DNAH3: variants seen among roughly 807,000 people sequenced by gnomAD.
DNAH3 encodes the protein axonemal beta dynein heavy chain 3.
DNAH3 carries 332 observed loss-of-function variants against 432.5 expected under a neutral mutation model. The ratio of observed to expected loss-of-function variants is 0.77; its 90% CI spans 0.70 to 0.84. The LOEUF is 0.84. Ranked by LOEUF, DNAH3 falls within the 40% of genes least tolerant of loss-of-function variation. DNAH3 has a pLI of 0.00. For missense variants in DNAH3, 4,861 were observed against 5,114.0 expected (o/e 0.95, Z 1.51); for synonymous variants, 1,956 against 1,900.2 (o/e 1.03, Z -0.76).
Position 21,135,089 on chromosome 16 carries a change from T to C in DNAH3, c.887-635A>G, listed in dbSNP as rs541553532. On this transcript the variant is annotated intron_variant, in intron 6 of 61. Transcript: ENST00000261383. ...ACTGGTGAAGCTTCACTCTTGGTGT[T>C]TGTTTTCTTTCTGAGGGTATTTTAC... 3.9e-5 allele frequency among the ~76,000 whole-genome samples: 6 copies of C among 152,312 alleles called. No individual in the cohort carries two copies. In the South Asian group the frequency reaches 1.2e-3, roughly 32 times the overall value.
chr16:20,936,636 G>C lies in DNAH3; in HGVS notation c.11859+13C>G. ...GCATGCCAGGTTCCCGGTTACCCCT[G>C]ACTCCCAGGTACCTGGAAGAAGGTC... On this transcript the variant is annotated intron_variant, in intron 60 of 61. Transcript: ENST00000261383. The C allele has an allele frequency of 6.3e-7, 1 of 1,579,852 alleles. No individual in the cohort carries two copies. Among genetic ancestry groups the C allele is most frequent in the Non-Finnish European group, 8.6e-7 (1 of 1,161,692 alleles).
chr16:21,062,815 ACT>A (rs1276838941), intron 24 of DNAH3, 132 bp from the exon 25 acceptor site: 1 of 666,330 alleles, frequency 1.5e-6, no homozygotes, highest in African/African-American at 1.8e-5. Flanking sequence ...ACAAAGGCCC[ACT>A]CTCTTTTATC....
At chr16:20,964,187 T>G (rs2084947918) in exon 53 of DNAH3, 3 of 1,614,026 alleles carry the variant, frequency 1.9e-6, no homozygotes, top group Non-Finnish European at 2.5e-6. Context: ...TTGAGATGCT[T>G]CTTGTTCTTG....
At chr16:21,159,175 A>C in intron 1 of DNAH3, 1 of 827,096 alleles carries the variant, frequency 1.2e-6, no homozygotes, top group South Asian at 1.4e-5. Context: ...CCTCTTCTCC[A>C]CCGAGGTCCC....
chr16:21,030,377 G>C (rs1321978816), intron 37 of DNAH3, among the ~76,000 whole-genome samples: 1 of 152,188 alleles, frequency 6.6e-6, no homozygotes, highest in Non-Finnish European at 1.5e-5. Flanking sequence ...GAAGTGGCCT[G>C]GAAGAGGAGG....
At position 21,007,228 on chromosome 16, in the gene DNAH3, G is replaced by A. The variant is rs867342324; in HGVS notation, c.6023-4021C>T. Among the ~76,000 whole-genome samples the A allele has an allele frequency of 5.7e-3, 291 of 51,038 alleles. 1 individual carries two copies. Among genetic ancestry groups the A allele is most frequent in the African/African-American group, 0.02 (264 of 13,192 alleles). 33.5% of individuals were successfully genotyped at this position (51,038 alleles called of 152,430 possible). ...TTGTATATCCTTTTTTTTTTTTTTT[G>A]AGGCAGGGTCTCACTCTGTCACCCC... On this transcript the variant is annotated intron_variant, in intron 41 of 61. Transcript: ENST00000261383.
At chr16:21,060,999 G>A (rs556330283) in intron 25 of DNAH3, among the ~76,000 whole-genome samples, 12 of 151,572 alleles carry the variant, frequency 7.9e-5, no homozygotes, top group African/African-American at 2.7e-4. Flanking sequence ...CACCATGCCC[G>A]GCTAACTTTT....
intron 58 of DNAH3, 73 bp from the exon 59 acceptor site, chr16:20,941,616 T>C (rs2083813237): frequency 6.4e-7 from 1 of 1,550,766 alleles, no homozygotes; most frequent in African/African-American, 1.4e-5. Context: ...AAACTTTAAG[T>C]ACTGAGCATC....
intron 11 of DNAH3, among the ~76,000 whole-genome samples, chr16:21,119,654 TG>T (rs2092291725): frequency 6.6e-6 from 1 of 151,212 alleles, no homozygotes; most frequent in Admixed American, 6.6e-5. Flanking sequence ...TGGAGTGCAA[TG>T]GCGCAATCTA....
At chr16:21,033,566 AAAG>A (rs1462522105) in intron 36 of DNAH3, among the ~76,000 whole-genome samples, 1 of 152,180 alleles carries the variant, frequency 6.6e-6, no homozygotes, top group Non-Finnish European at 1.5e-5. Flanking sequence ...GGAAAGAAGA[AAAG>A]AAGGGAAGGA....
At chr16:21,106,646 C>T (rs1332588425) in exon 15 of DNAH3, 3 of 1,603,068 alleles carry the variant, frequency 1.9e-6, no homozygotes, top group South Asian at 2.2e-5. Context: ...CTGACTTTGT[C>T]TGCGATGTGG....
At chr16:21,112,872 AC>A (rs1207476837) in intron 12 of DNAH3, among the ~76,000 whole-genome samples, 1 of 152,140 alleles carries the variant, frequency 6.6e-6, no homozygotes, top group Non-Finnish European at 1.5e-5. Context: ...TGGATTTTGG[AC>A]TTGCATGGGC....
At chr16:20,952,529 A>G in exon 56 of DNAH3, 1 of 1,611,198 alleles carries the variant, frequency 6.2e-7, no homozygotes, top group Non-Finnish European at 8.5e-7. Flanking sequence ...GATTCGTTGA[A>G]TTCATAGGGA....
intron 40 of DNAH3, among the ~76,000 whole-genome samples, chr16:21,020,729 A>G (rs2088169585): frequency 6.6e-6 from 1 of 152,030 alleles, no homozygotes; most frequent in South Asian, 2.1e-4. Flanking sequence ...TTATTGTGGT[A>G]AAATACATGA....
intron 52 of DNAH3, among the ~76,000 whole-genome samples, chr16:20,967,681 T>C (rs1417410222): frequency 6.6e-6 from 1 of 151,294 alleles, no homozygotes; most frequent in African/African-American, 2.4e-5. Flanking sequence ...TTTTTTTTGG[T>C]ATTTTTAGTA....
At position 20,965,400 on chromosome 16, in the gene DNAH3, C is replaced by G. The variant is rs76115271; in HGVS notation, c.8484G>C (p.Gly2828=). 2.6e-6 allele frequency: 4 copies of G among 1,525,994 alleles called. No individual in the cohort carries two copies. The South Asian group carries it at 5.2e-5, about 20-fold the overall frequency. 94.5% of individuals were successfully genotyped at this position (1,525,994 alleles called of 1,614,324 possible). Residue 2828 remains glycine, a synonymous_variant, in exon 53 of 62, where the codon GGG becomes GGC. Coordinates refer to ENST00000261383, the Ensembl canonical transcript of DNAH3. ...GATCCCCAAGAATCTTTTTGGATACCCCCCAGTAATCTTCTATCATCTTAC... is the reference window on the plus strand; with the variant it reads ...GATCCCCAAGAATCTTTTTGGATACGCCCCAGTAATCTTCTATCATCTTAC...
chr16:21,151,075 G>A (rs2092848046), intron 1 of DNAH3, among the ~76,000 whole-genome samples: 1 of 152,180 alleles, frequency 6.6e-6, no homozygotes, highest in South Asian at 2.1e-4. Flanking sequence ...GAAAAGCACA[G>A]AGTATGGTGG....
At chr16:21,052,956 T>C (rs2090008222) in intron 28 of DNAH3, among the ~76,000 whole-genome samples, 1 of 152,150 alleles carries the variant, frequency 6.6e-6, no homozygotes, top group Non-Finnish European at 1.5e-5. Flanking sequence ...AGCTCTTCTT[T>C]TTTCTCTCAT....
chr16:20,992,834 A>G (rs2086613880), intron 44 of DNAH3, among the ~76,000 whole-genome samples: 1 of 152,086 alleles, frequency 6.6e-6, no homozygotes, highest in Non-Finnish European at 1.5e-5. Context: ...TAGGACTATA[A>G]AACTTTTGCC....
Sources: allele counts gnomAD v4.1 joint callset (sites outside exome capture counted in the v4.1 genomes callset), GRCh38; gene constraint gnomAD v4.1.1; transcripts MANE v1.5; gene names NCBI Gene and HGNC (gene_info 2026-07-23, HGNC 2026-07-21).